SPHKAP: variants seen among roughly 807,000 people sequenced by gnomAD.
SPHKAP encodes A-kinase anchor protein SPHKAP.
Under a neutral mutation model 137.5 loss-of-function variants are expected in SPHKAP, and 67 were observed. The ratio of observed to expected loss-of-function variants is 0.49; its 90% CI spans 0.40 to 0.60. The LOEUF is 0.60. Ranked by LOEUF, SPHKAP falls within the 20% of genes least tolerant of loss-of-function variation. The probability of loss-of-function intolerance (pLI) is 0.00; values close to 1 mark genes in which losing one functional copy is unlikely to be tolerated. For synonymous variants in SPHKAP, 813 were observed against 785.3 expected (o/e 1.04, Z -0.59); for missense variants, 2,097 against 2,069.3 (o/e 1.01, Z -0.26).
In SPHKAP at chr2:228,024,499, A is replaced by G. The variant is rs369094369; in HGVS notation, c.441+895T>C. On this transcript the variant is annotated intron_variant, in intron 5 of 11. Coordinates refer to ENST00000392056, the MANE Select transcript of SPHKAP (RefSeq NM_001142644.2). ...ACACAAGCCTTGTTAGTAGCTACAA[A>G]GTCAGGGAGATGTGATTACCTGGAA... 3.1e-4 allele frequency among the ~76,000 whole-genome samples: 47 copies of G among 152,296 alleles called. 1 individual carries two copies. The highest frequency in any genetic ancestry group is 9.9e-4 in the African/African-American group (41 of 41,562).
chr2:228,131,877 G>GT, intron 2 of SPHKAP, 103 bp downstream of exon 2: 6 of 1,455,646 alleles, frequency 4.1e-6, no homozygotes, highest in Non-Finnish European at 5.6e-6. Context: ...TTTGTTGTTT[G>GT]TTTTTATTGT....
At chr2:227,984,952 A>G (rs374789255) in intron 11 of SPHKAP, among the ~76,000 whole-genome samples, 2 of 152,004 alleles carry the variant, frequency 1.3e-5, no homozygotes, top group Non-Finnish European at 1.5e-5. Context: ...CTTATCCCCA[A>G]CTTTTATCTC....
chr2:228,160,021 A>T lies in SPHKAP; in HGVS notation c.32+21546T>A, dbSNP rs184757440. Among the ~76,000 whole-genome samples the T allele has an allele frequency of 7.4e-4, 112 of 152,322 alleles. 1 individual carries two copies. The highest frequency in any genetic ancestry group is 2.3e-3 in the Admixed American group (35 of 15,300). On this transcript the variant is annotated intron_variant, in intron 1 of 11. Coordinates refer to ENST00000392056, the MANE Select transcript of SPHKAP (RefSeq NM_001142644.2). ...GACATTCCCTATCCTCAGCTGCCAA[A>T]CAAGATCTTTAACAGAAAAACCTCC... is the stretch of plus-strand genomic sequence containing the variant.
intron 1 of SPHKAP, among the ~76,000 whole-genome samples, chr2:228,142,161 G>A (rs7602533): frequency 0.018 from 2,725 of 152,232 alleles, 81 homozygotes; most frequent in African/African-American, 0.062. Flanking sequence ...TGAAGTGAAG[G>A]GGAGTAAAAG....
chr2:228,034,683 T>G (rs1353121699), intron 3 of SPHKAP, among the ~76,000 whole-genome samples: 6 of 152,194 alleles, frequency 3.9e-5, no homozygotes, highest in Non-Finnish European at 7.3e-5. Context: ...TTATCCACCA[T>G]GATCAAGTGG....
chr2:228,142,454 A>C (rs1049342303), intron 1 of SPHKAP, among the ~76,000 whole-genome samples: 1 of 151,964 alleles, frequency 6.6e-6, no homozygotes, highest in Non-Finnish European at 1.5e-5. Context: ...CCTGGGTGAC[A>C]GAGCGAGACT....
chr2:227,984,514 C>T (rs938652986), intron 11 of SPHKAP, among the ~76,000 whole-genome samples: 1 of 151,930 alleles, frequency 6.6e-6, no homozygotes, highest in Non-Finnish European at 1.5e-5. Context: ...TATGGAGATA[C>T]ATAAAAATAA....
intron 3 of SPHKAP, among the ~76,000 whole-genome samples, chr2:228,056,266 G>C (rs886323148): frequency 6.6e-6 from 1 of 152,182 alleles, no homozygotes; most frequent in Non-Finnish European, 1.5e-5. Flanking sequence ...TATGTGCCCA[G>C]CACCTATCAA....
rs189640896 is a variant in SPHKAP, at chr2:228,094,334, T to A, written c.246+14498A>T. Reference sequence around the variant, plus strand: ...GAGAAATCTCTTTTCTTCATTGCTGTTTTGTTTTCTCACCTGAAAAATGAG... The same window carrying A: ...GAGAAATCTCTTTTCTTCATTGCTGATTTGTTTTCTCACCTGAAAAATGAG... On this transcript the variant is annotated intron_variant, in intron 3 of 11. Coordinates refer to ENST00000392056, the MANE Select transcript of SPHKAP (RefSeq NM_001142644.2). 2.0e-3 allele frequency among the ~76,000 whole-genome samples: 307 copies of A among 152,318 alleles called. 2 individuals carry two copies. The highest frequency in any genetic ancestry group is 6.9e-3 in the African/African-American group (285 of 41,572).
intron 2 of SPHKAP, among the ~76,000 whole-genome samples, chr2:228,129,142 C>CG (rs1699170828): frequency 6.6e-6 from 1 of 151,982 alleles, no homozygotes; most frequent in Admixed American, 6.6e-5. Flanking sequence ...ACAGTAACGT[C>CG]GAAGATCACT....
intron 1 of SPHKAP, among the ~76,000 whole-genome samples, chr2:228,152,102 A>G (rs1559202355): frequency 2.0e-5 from 3 of 152,150 alleles, no homozygotes; most frequent in South Asian, 2.1e-4. Flanking sequence ...CATGACATTA[A>G]TCCTTGGTAT....
At chr2:228,093,596 A>C (rs887796045) in intron 3 of SPHKAP, among the ~76,000 whole-genome samples, 1 of 152,058 alleles carries the variant, frequency 6.6e-6, no homozygotes, top group African/African-American at 2.4e-5. Context: ...GTAGTGGCTC[A>C]TACCTGTAAT....
chr2:228,066,085 G>A (rs1372875923), intron 3 of SPHKAP, among the ~76,000 whole-genome samples: 1 of 152,216 alleles, frequency 6.6e-6, no homozygotes, highest in East Asian at 1.9e-4. Context: ...GGTTCATGGT[G>A]GAATTTAATT....
chr2:228,074,179 A>G (rs919882927), intron 3 of SPHKAP, among the ~76,000 whole-genome samples: 4 of 152,216 alleles, frequency 2.6e-5, no homozygotes, highest in African/African-American at 4.8e-5. Context: ...TTTGCAATGC[A>G]AAAAATTACT....
At chr2:228,154,727 T>G (rs1232747619) in intron 1 of SPHKAP, among the ~76,000 whole-genome samples, 1 of 142,788 alleles carries the variant, frequency 7.0e-6, no homozygotes, top group East Asian at 2.0e-4. Context: ...TTTTTTTTTT[T>G]TTTTTGTATT....
At position 227,982,747 on chromosome 2, in the gene SPHKAP, T is replaced by C. The variant is rs556727436; in HGVS notation, c.4960-887A>G. Among the ~76,000 whole-genome samples, 3 of 152,156 alleles carry C rather than the reference T, an allele frequency of 2.0e-5. No individual in the cohort carries two copies. In the East Asian group the frequency reaches 5.8e-4, roughly 29 times the overall value. ...AGATGTGGGCTTGAAAGATGAAAAA[T>C]TGTCAGTAGGATCATGGTCTTCTAA... is the stretch of plus-strand genomic sequence containing the variant. On this transcript the variant is annotated intron_variant, in intron 11 of 11. Coordinates refer to ENST00000392056, the MANE Select transcript of SPHKAP (RefSeq NM_001142644.2).
In SPHKAP at chr2:227,981,459, C is replaced by T. The variant is rs114523970; in HGVS notation, c.*258G>A. ...ATTATAAGCATTCTAATTTGGGCCCCATTGAATTCTCTCTTTGTCCAGCCC... is the reference window on the plus strand; with the variant it reads ...ATTATAAGCATTCTAATTTGGGCCCTATTGAATTCTCTCTTTGTCCAGCCC... On this transcript the variant is annotated 3_prime_UTR_variant, in exon 12 of 12. Transcript: ENST00000392056. 4.8e-3 allele frequency: 1,421 copies of T among 297,806 alleles called. 22 individuals carry two copies. Among genetic ancestry groups the T allele is most frequent in the African/African-American group, 0.028 (1,273 of 46,176 alleles). 18.4% of individuals were successfully genotyped at this position (297,806 alleles called of 1,614,324 possible).
At position 228,030,080 on chromosome 2, in the gene SPHKAP, A is replaced by T. The variant is rs142958747; in HGVS notation, c.247-2537T>A. ...GGACACTCTCCACATTTGCTACCTG[A>T]ACCAAGATAAAAACAAAGCAAGACA... On this transcript the variant is annotated intron_variant, in intron 3 of 11. Coordinates refer to ENST00000392056, the MANE Select transcript of SPHKAP (RefSeq NM_001142644.2). Among the ~76,000 whole-genome samples, 148 of 152,306 alleles carry T rather than the reference A, an allele frequency of 9.7e-4. 1 individual carries two copies. The highest frequency in any genetic ancestry group is 3.3e-3 in the African/African-American group (137 of 41,576).
At position 228,037,556 on chromosome 2, in the gene SPHKAP, A is replaced by G. The variant is rs746625745; in HGVS notation, c.247-10013T>C. Among the ~76,000 whole-genome samples the G allele has an allele frequency of 2.6e-5, 4 of 152,146 alleles. No homozygotes were observed. In the East Asian group the frequency reaches 7.7e-4, roughly 29 times the overall value. On this transcript the variant is annotated intron_variant, in intron 3 of 11. Coordinates refer to ENST00000392056, the MANE Select transcript of SPHKAP (RefSeq NM_001142644.2). Reference sequence around the variant, plus strand: ...GTGGATGGCTAGCAATCACTTAACTATATACGAAAGTGACCTGAAGCTACA... The same window carrying G: ...GTGGATGGCTAGCAATCACTTAACTGTATACGAAAGTGACCTGAAGCTACA...
Sources: gnomAD v4.1 joint callset for allele counts (sites outside exome capture counted in the v4.1 genomes callset) on GRCh38, gnomAD v4.1.1 for gene constraint, MANE v1.5 for transcripts, NCBI Gene and HGNC (gene_info 2026-07-23, HGNC 2026-07-21) for gene names.